RHOT1: variants seen among roughly 807,000 people sequenced by gnomAD.
The protein encoded by RHOT1 is mitochondrial Rho GTPase 1.
A neutral mutation model predicts 95.3 loss-of-function variants in RHOT1; 27 were observed. That is an observed-to-expected ratio of 0.28 (90% CI 0.21 to 0.39). RHOT1 has a LOEUF of 0.39. Ranked by LOEUF, RHOT1 falls within the 10% of genes least tolerant of loss-of-function variation. The pLI is 1.00. For missense variants in RHOT1, 578 were observed against 786.7 expected (o/e 0.73, Z 3.17); for synonymous variants, 227 against 263.5 (o/e 0.86, Z 1.34).
At chr17:32,154,747 T>A (rs1273859051) in intron 1 of RHOT1, among the ~76,000 whole-genome samples, 1 of 151,170 alleles carries the variant, frequency 6.6e-6, no homozygotes, top group African/African-American at 2.4e-5. Flanking sequence ...ACAAAAAAAT[T>A]AGCCGGGCAT....
chr17:32,224,609 A>G lies in RHOT1; in HGVS notation c.1863-7A>G, dbSNP rs533760431. On this transcript the variant is annotated splice_polypyrimidine_tract_variant and splice_region_variant and intron_variant, in intron 19 of 19. Transcript: ENST00000545287. ...TTTTAAATAATAATTATATTTTCTG[A>G]CTGCAGGCACGTGACACAAGCTGAC... 4.4e-6 allele frequency: 7 copies of G among 1,594,048 alleles called. No homozygotes were observed. In the Admixed American group the frequency reaches 1.2e-4, roughly 27 times the overall value.
chr17:32,207,975 C>G (rs2037872382), intron 17 of RHOT1, 132 bp from the exon 18 acceptor site: 2 of 706,350 alleles, frequency 2.8e-6, no homozygotes, highest in Non-Finnish European at 4.8e-6. Context: ...CCAATCTTTG[C>G]CTTTTGGTTC....
intron 19 of RHOT1, 36 bp from the exon 20 acceptor site, chr17:32,224,580 C>A: frequency 2.1e-6 from 3 of 1,420,682 alleles, no homozygotes; most frequent in South Asian, 2.4e-5. Context: ...TCATACTAAT[C>A]ATGTTTTAAA....
chr17:32,189,538 G>A (rs1056448700), intron 8 of RHOT1, among the ~76,000 whole-genome samples: 4 of 151,986 alleles, frequency 2.6e-5, no homozygotes, highest in Non-Finnish European at 5.9e-5. Flanking sequence ...CTGCTAATCT[G>A]TTAATCCCTC....
intron 12 of RHOT1, among the ~76,000 whole-genome samples, 156 bp from the exon 13 acceptor site, chr17:32,199,249 T>C (rs547834564): frequency 6.6e-6 from 1 of 152,364 alleles, no homozygotes; most frequent in African/African-American, 2.4e-5. Flanking sequence ...ATAGGTTTTC[T>C]TACATACATT....
chr17:32,146,899 ATTTTTTT>A (rs71144808), intron 1 of RHOT1, among the ~76,000 whole-genome samples: 1 of 98,028 alleles, frequency 1.0e-5, no homozygotes, highest in Non-Finnish European at 2.0e-5. Context: ...ATTTTTGTAA[ATTTTTTT>A]TTTTTTTTTT....
chr17:32,161,152 T>C (rs1466686700), intron 1 of RHOT1, among the ~76,000 whole-genome samples: 1 of 152,110 alleles, frequency 6.6e-6, no homozygotes, highest in African/African-American at 2.4e-5. Flanking sequence ...CGCAAATTAG[T>C]CTCCCAGAAG....
rs1275960880 is a variant in RHOT1, at chr17:32,166,407, C to T, written c.38-4636C>T. Among the ~76,000 whole-genome samples the T allele has an allele frequency of 2.0e-5, 3 of 152,200 alleles. No individual in the cohort carries two copies. The East Asian group carries it at 5.8e-4, about 29-fold the overall frequency. ...TGATTAGGGTGGTGATTCCTGAAGG[C>T]TGGGGTGGCTGTGGCAATTTCTTAA... On this transcript the variant is annotated intron_variant, in intron 1 of 19. Transcript: ENST00000545287.
At chr17:32,215,747 A>G (rs1189391949) in intron 19 of RHOT1, among the ~76,000 whole-genome samples, 1 of 152,196 alleles carries the variant, frequency 6.6e-6, no homozygotes. Context: ...AAAAATTTTT[A>G]TTTCCAATTT....
At position 32,183,234 on chromosome 17, in the gene RHOT1, C is replaced by T. The variant is rs1357874810; in HGVS notation, c.502C>T (p.His168Tyr). 1.9e-6 allele frequency: 3 copies of T among 1,550,834 alleles called. No homozygotes were observed. The highest frequency in any genetic ancestry group is 2.6e-6 in the Non-Finnish European group (3 of 1,145,480). The change falls in exon 8 of 20, where the codon CAT becomes TAT. Residue 168 changes from histidine to tyrosine, a missense_variant. Transcript: ENST00000545287. ...TTATTACGCACAGAAAGCTGTTCTT[C>T]ATCCTACAGGGCCCCTGTACTGCCC... ...LFYYAQKAVL[H>Y]PTGPLYCPEE... is the part of the protein sequence containing the mutation.
chr17:32,149,631 A>ATGTGTGTGTGTGTGTG (rs1417047494), intron 1 of RHOT1, among the ~76,000 whole-genome samples: 120 of 88,046 alleles, frequency 1.4e-3, no homozygotes, highest in South Asian at 2.2e-3. Context: ...ATATATATAT[A>ATGTGTGTGTGTGTGTG]TATATGTGTG....
At chr17:32,175,496 C>G (rs528780409) in intron 4 of RHOT1, 134 bp downstream of exon 4, 34 of 878,174 alleles carry the variant, frequency 3.9e-5, no homozygotes, top group African/African-American at 2.5e-4. Context: ...CTGTCACCCA[C>G]TCTGTCACCC....
intron 1 of RHOT1, among the ~76,000 whole-genome samples, chr17:32,147,655 ACT>A (rs2031569597): frequency 6.6e-6 from 1 of 151,816 alleles, no homozygotes; most frequent in Non-Finnish European, 1.5e-5. Context: ...CCCTGTCCCT[ACT>A]AAACATACAA....
At chr17:32,175,482 C>G in intron 4 of RHOT1, 120 bp downstream of exon 4, 1 of 975,740 alleles carries the variant, frequency 1.0e-6, no homozygotes, top group Non-Finnish European at 1.6e-6. Context: ...GACCGTGTTT[C>G]ACTCTGTCAC....
chr17:32,178,489 A>G (rs949211918), intron 6 of RHOT1, among the ~76,000 whole-genome samples: 3 of 151,626 alleles, frequency 2.0e-5, no homozygotes, highest in Non-Finnish European at 2.9e-5. Flanking sequence ...CGCTCACTCA[A>G]TGCTCAGTGT....
chr17:32,189,652 C>T lies in RHOT1; in HGVS notation c.541-2549C>T, dbSNP rs73286170. On this transcript the variant is annotated intron_variant, in intron 8 of 19. Transcript: ENST00000545287. The stretch of plus-strand genomic sequence containing the variant: ...TAAAATTTTCAACTTTTAAACTATA[C>T]CTTGTTTTACACAAGTGCAAACTTT... Among the ~76,000 whole-genome samples the T allele has an allele frequency of 6.4e-3, 967 of 152,074 alleles. 8 individuals are homozygous for T. The highest frequency in any genetic ancestry group is 0.022 in the African/African-American group (910 of 41,456).
intron 19 of RHOT1, chr17:32,223,053 T>C (rs574413216): frequency 5.6e-6 from 1 of 177,336 alleles, no homozygotes; most frequent in African/African-American, 2.4e-5. Flanking sequence ...CTTTGCTTTG[T>C]AAGAAATAAT....
At chr17:32,155,006 G>A (rs908224247) in intron 1 of RHOT1, among the ~76,000 whole-genome samples, 1 of 151,912 alleles carries the variant, frequency 6.6e-6, no homozygotes, top group African/African-American at 2.4e-5. Context: ...ATCACCTGGG[G>A]CCAGGAAGTT....
intron 18 of RHOT1, among the ~76,000 whole-genome samples, chr17:32,210,090 G>A (rs1049406618): frequency 1.3e-5 from 2 of 152,012 alleles, no homozygotes; most frequent in African/African-American, 4.8e-5. Flanking sequence ...GGTCTCATCA[G>A]ATCTCATAAG....
Sources: gnomAD v4.1 joint callset for allele counts (sites outside exome capture counted in the v4.1 genomes callset) on GRCh38, gnomAD v4.1.1 for gene constraint, MANE v1.5 for transcripts, NCBI Gene and HGNC (gene_info 2026-07-23, HGNC 2026-07-21) for gene names.